The following FABP12 variants were observed in gnomAD, a reference collection of about 807,000 sequenced individuals.
The protein encoded by FABP12 is fatty acid binding protein 12.
Under a neutral mutation model 13.7 loss-of-function variants are expected in FABP12, and 19 were observed. That is an observed-to-expected ratio of 1.39 (90% CI 0.97 to 2.04). The LOEUF (loss-of-function observed/expected upper bound fraction) is 2.04. Among genes scored for constraint, FABP12 ranks in the 30% most tolerant of loss-of-function variants. FABP12 has a pLI of 0.00. For synonymous variants in FABP12, 61 were observed against 57.0 expected (o/e 1.07, Z -0.32); for missense variants, 182 against 164.2 (o/e 1.11, Z -0.59).
chr8:81,540,595 A>G (rs1322082237), intron 1 of FABP12, among the ~76,000 whole-genome samples: 1 of 152,248 alleles, frequency 6.6e-6, no homozygotes, highest in East Asian at 1.9e-4. Context: ...AACCTGGGAA[A>G]TTGTCACAGA....
intron 4 of FABP12, among the ~76,000 whole-genome samples, chr8:81,525,529 A>ATAGATAG (rs1554576046): frequency 5.9e-4 from 89 of 150,060 alleles, no homozygotes; most frequent in Middle Eastern, 3.4e-3. Flanking sequence ...AAAAAAAAAA[A>ATAGATAG]ATAGATAGAT....
intron 1 of FABP12, among the ~76,000 whole-genome samples, chr8:81,586,626 C>A (rs371850124): frequency 6.6e-6 from 1 of 152,222 alleles, no homozygotes; most frequent in South Asian, 2.1e-4. Flanking sequence ...TCCTTGTTGC[C>A]CACCTGTATG....
At chr8:81,532,562 C>T (rs2129957201) in intron 1 of FABP12, among the ~76,000 whole-genome samples, 1 of 152,300 alleles carries the variant, frequency 6.6e-6, no homozygotes, top group Middle Eastern at 3.4e-3. Context: ...GTGGTTCTTG[C>T]CTGTAATCCC....
upstream of FABP12, among the ~76,000 whole-genome samples, chr8:81,537,710 A>G (rs998668729): frequency 6.6e-6 from 1 of 152,160 alleles, no homozygotes; most frequent in Non-Finnish European, 1.5e-5. Flanking sequence ...TTGGCCATTC[A>G]TGAGGCTCAG....
intron 1 of FABP12, among the ~76,000 whole-genome samples, chr8:81,555,764 A>T (rs385126): frequency 6.6e-6 from 1 of 152,200 alleles, no homozygotes; most frequent in African/African-American, 2.4e-5. Context: ...TTAATAAAAA[A>T]TTTTAAATAG....
At chr8:81,580,345 C>T (rs73277250) in intron 1 of FABP12, among the ~76,000 whole-genome samples, 1,722 of 151,974 alleles carry the variant, frequency 0.011, 35 homozygotes, top group African/African-American at 0.038. Flanking sequence ...AACTAATACA[C>T]TTACATGCCT....
chr8:81,565,368 A>G (rs1230438639), intron 1 of FABP12, among the ~76,000 whole-genome samples: 1 of 152,080 alleles, frequency 6.6e-6, no homozygotes, highest in Non-Finnish European at 1.5e-5. Flanking sequence ...CTTTTCATCC[A>G]ATGGTTGCAG....
chr8:81,556,084 T>G (rs1172253963), intron 1 of FABP12, among the ~76,000 whole-genome samples: 1 of 152,176 alleles, frequency 6.6e-6, no homozygotes, highest in Non-Finnish European at 1.5e-5. Flanking sequence ...GTAAATCATT[T>G]TCCAAAATTT....
rs183699837 is a variant in FABP12, at chr8:81,575,248, G to A, written c.-185+14805C>T. Among the ~76,000 whole-genome samples, 173 of 152,270 alleles carry A rather than the reference G, an allele frequency of 1.1e-3. 1 individual carries two copies. Among genetic ancestry groups the A allele is most frequent in the African/African-American group, 3.6e-3 (149 of 41,554 alleles). On this transcript the variant is annotated intron_variant, in intron 1 of 5. Transcript: ENST00000692030. ...CAAGAGCAGGTAATTGAATTTCCATGTATTTGAATGGTTTTGAAGGTTCCT... is the reference window on the plus strand; with the variant it reads ...CAAGAGCAGGTAATTGAATTTCCATATATTTGAATGGTTTTGAAGGTTCCT...
At chr8:81,573,210 T>C (rs1003028883) in intron 1 of FABP12, among the ~76,000 whole-genome samples, 2 of 152,240 alleles carry the variant, frequency 1.3e-5, no homozygotes, top group Non-Finnish European at 2.9e-5. Context: ...AAGGATGTCC[T>C]TTTCCCACTT....
chr8:81,573,188 C>T (rs1809967055), intron 1 of FABP12, among the ~76,000 whole-genome samples: 1 of 152,284 alleles, frequency 6.6e-6, no homozygotes, highest in Admixed American at 6.5e-5. Flanking sequence ...TATCCCAGCA[C>T]CATTTGTTGA....
chr8:81,588,531 T>G (rs1259147680), intron 1 of FABP12, among the ~76,000 whole-genome samples: 1 of 152,250 alleles, frequency 6.6e-6, no homozygotes, highest in Non-Finnish European at 1.5e-5. Context: ...AATTTATTAG[T>G]TACAACAGTT....
chr8:81,549,552 T>C (rs1240537243), intron 1 of FABP12, among the ~76,000 whole-genome samples: 2 of 152,166 alleles, frequency 1.3e-5, no homozygotes, highest in African/African-American at 4.8e-5. Context: ...CGTAGAAACA[T>C]GTAATTTATA....
intron 1 of FABP12, among the ~76,000 whole-genome samples, chr8:81,541,910 TAAAAA>T (rs1167487132): frequency 5.2e-4 from 37 of 71,154 alleles, no homozygotes; most frequent in African/African-American, 1.7e-3. Context: ...TCCCAGGGTT[TAAAAA>T]AAAAAAAAAA....
At chr8:81,572,074 C>T (rs1401771132) in intron 1 of FABP12, among the ~76,000 whole-genome samples, 1 of 151,910 alleles carries the variant, frequency 6.6e-6, no homozygotes, top group East Asian at 1.9e-4. Flanking sequence ...GTATACACTG[C>T]ACCATATTTG....
chr8:81,533,732 C>A (rs925027868), intron 1 of FABP12, among the ~76,000 whole-genome samples, 70 bp downstream of exon 1: 1 of 152,166 alleles, frequency 6.6e-6, no homozygotes, highest in African/African-American at 2.4e-5. Flanking sequence ...GGGGCATGAT[C>A]TGAAGGAGGG....
intron 1 of FABP12, among the ~76,000 whole-genome samples, chr8:81,563,867 G>T (rs913119198): frequency 6.6e-6 from 1 of 152,108 alleles, no homozygotes; most frequent in Admixed American, 6.5e-5. Context: ...AGGGTAGAAA[G>T]TTAATTCAAA....
rs1161424263 is a variant in FABP12, at chr8:81,572,714, G to A, written c.-185+17339C>T. On this transcript the variant is annotated intron_variant, in intron 1 of 5. Coordinates refer to the FABP12 transcript ENST00000692030. ...ATTTCCCTCATTAGTGATGTTGAGC[G>A]TTTTTTCATATGTTTATTGGCCATT... 4.6e-5 allele frequency among the ~76,000 whole-genome samples: 7 copies of A among 152,078 alleles called. No individual in the cohort carries two copies. The South Asian group carries it at 6.2e-4, about 14-fold the overall frequency.
rs1038034134 is a variant in FABP12 at position 81,545,299 on chromosome 8, A to G, written c.-184-5556T>C. 4.6e-5 allele frequency among the ~76,000 whole-genome samples: 7 copies of G among 152,208 alleles called. No individual in the cohort carries two copies. The East Asian group carries it at 1.3e-3, about 29-fold the overall frequency. ...ATTCTAATCTAGATCTGGAAAACTA[A>G]AGGGAGTCACTGGGAAACAAGGGGA... On this transcript the variant is annotated intron_variant, in intron 1 of 5. Coordinates refer to the FABP12 transcript ENST00000692030.
Sources: allele counts gnomAD v4.1 joint callset (sites outside exome capture counted in the v4.1 genomes callset), GRCh38; gene constraint gnomAD v4.1.1; transcripts MANE v1.5; gene names NCBI Gene and HGNC (gene_info 2026-07-23, HGNC 2026-07-21).